The following FOXP2 variants were observed in gnomAD, a reference collection of about 807,000 sequenced individuals.
FOXP2 encodes the protein forkhead box protein P2.
FOXP2 carries 12 observed loss-of-function variants against 115.8 expected under a neutral mutation model. The observed-to-expected ratio is 0.10, with a 90% confidence interval of 0.07 to 0.17. The LOEUF (loss-of-function observed/expected upper bound fraction) is 0.17. Among genes scored for constraint, FOXP2 ranks in the 10% least tolerant of loss-of-function variants. The pLI, the probability that FOXP2 is intolerant of heterozygous loss-of-function variation, is 1.00. For missense variants in FOXP2, 629 were observed against 843.5 expected, an observed-to-expected ratio of 0.75 and a Z score of 3.15; for synonymous variants, 328 against 297.7, an observed-to-expected ratio of 1.10 and a Z score of -1.05.
chr7:114,385,714 AT>A (rs1792430470), intron 2 of FOXP2, among the ~76,000 whole-genome samples: 1 of 152,220 alleles, frequency 6.6e-6, no homozygotes, highest in Non-Finnish European at 1.5e-5. Flanking sequence ...ATAGAACAGA[AT>A]AGCAAGCTAA....
At chr7:114,126,704 C>T (rs1358781134) in intron 1 of FOXP2, among the ~76,000 whole-genome samples, 3 of 152,098 alleles carry the variant, frequency 2.0e-5, no homozygotes, top group East Asian at 3.9e-4. Context: ...CAGTAACTGG[C>T]TTGGCTTAGA....
At chr7:114,522,603 C>T (rs1333183350) in intron 2 of FOXP2, among the ~76,000 whole-genome samples, 1 of 152,096 alleles carries the variant, frequency 6.6e-6, no homozygotes, top group Non-Finnish European at 1.5e-5. Context: ...GTTTTAACTT[C>T]TTTGAGGTTA....
intron 1 of FOXP2, among the ~76,000 whole-genome samples, chr7:114,203,406 C>T (rs912367495): frequency 6.6e-6 from 1 of 152,178 alleles, no homozygotes; most frequent in Admixed American, 6.5e-5. Context: ...TATCTCAGCT[C>T]ACTGCAACTT....
chr7:114,128,212 G>A (rs1325997040), intron 1 of FOXP2, among the ~76,000 whole-genome samples: 1 of 152,074 alleles, frequency 6.6e-6, no homozygotes, highest in African/African-American at 2.4e-5. Flanking sequence ...AGCTGTAAAA[G>A]ACCTTGGTTT....
At chr7:114,438,614 C>T (rs928545616) in intron 2 of FOXP2, among the ~76,000 whole-genome samples, 2 of 151,916 alleles carry the variant, frequency 1.3e-5, no homozygotes, top group Non-Finnish European at 2.9e-5. Flanking sequence ...AAGATAACAT[C>T]ATTATGTAGA....
chr7:114,297,410 AG>A (rs1796767048), intron 2 of FOXP2: 3 of 630,592 alleles, frequency 4.8e-6, no homozygotes, highest in Admixed American at 4.5e-5. Flanking sequence ...CCACTGTCAT[AG>A]GGGTAGCCCA....
At chr7:114,516,360 T>C (rs574339574) in intron 2 of FOXP2, among the ~76,000 whole-genome samples, 1 of 152,210 alleles carries the variant, frequency 6.6e-6, no homozygotes, top group African/African-American at 2.4e-5. Flanking sequence ...TAGCCATATG[T>C]AGAAAGCTGA....
At chr7:114,458,292 G>A (rs549693750) in intron 2 of FOXP2, among the ~76,000 whole-genome samples, 1 of 151,820 alleles carries the variant, frequency 6.6e-6, no homozygotes, top group Non-Finnish European at 1.5e-5. Context: ...CTTATTACTT[G>A]TATTTCAATA....
rs999661495 is a variant in FOXP2 at position 114,579,933 on chromosome 7, A to G, written c.258+45227A>G. On this transcript the variant is annotated intron_variant, in intron 3 of 16. Transcript: ENST00000350908. ...TCTATGCACTCTAAGGAGAGATTCA[A>G]TCATTGTACTGAGGAATTAAAAACA... 4.6e-5 allele frequency among the ~76,000 whole-genome samples: 7 copies of G among 152,326 alleles called. 1 individual carries two copies. The highest frequency in any genetic ancestry group is 3.9e-4 in the Admixed American group (6 of 15,296).
intron 1 of FOXP2, among the ~76,000 whole-genome samples, chr7:114,424,489 C>G: frequency 6.6e-6 from 1 of 151,414 alleles, no homozygotes. Context: ...TCTGTTTCTA[C>G]AGTTGGAGAG....
chr7:114,328,002 C>T (rs1797600821), intron 2 of FOXP2, among the ~76,000 whole-genome samples: 1 of 151,170 alleles, frequency 6.6e-6, no homozygotes, highest in African/African-American at 2.4e-5. Flanking sequence ...CTCACTGCAG[C>T]CTCAACTTTC....
In FOXP2 at chr7:114,652,198, T is replaced by C. The variant is rs1373735581; in HGVS notation, c.1095-5T>C. 1.9e-6 allele frequency: 3 copies of C among 1,612,692 alleles called. No individual in the cohort carries two copies. The highest frequency in any genetic ancestry group is 1.1e-5 in the South Asian group (1 of 91,052). On this transcript the variant is annotated splice_region_variant and splice_polypyrimidine_tract_variant and intron_variant, in intron 8 of 16. Transcript: ENST00000350908. ...CATTCTGTTTTGTGTCTTCTGTTTG[T>C]TTAGGCACCTTAACAATGAACACGC... is the stretch of plus-strand genomic sequence containing the variant.
At chr7:114,434,482 T>C (rs947074202) in intron 2 of FOXP2, among the ~76,000 whole-genome samples, 3 of 151,198 alleles carry the variant, frequency 2.0e-5, no homozygotes, top group Non-Finnish European at 4.4e-5. Flanking sequence ...ATGTATTATA[T>C]GTATAAATAA....
intron 1 of FOXP2, among the ~76,000 whole-genome samples, chr7:114,181,936 G>T (rs1562994980): frequency 6.6e-6 from 1 of 151,838 alleles, no homozygotes; most frequent in African/African-American, 2.4e-5. Context: ...TCTCAAAAAA[G>T]GTATGAAGCT....
At chr7:114,632,051 G>T (rs1262977118) in intron 6 of FOXP2, among the ~76,000 whole-genome samples, 1 of 152,200 alleles carries the variant, frequency 6.6e-6, no homozygotes, top group Non-Finnish European at 1.5e-5. Context: ...GCTGACAGCA[G>T]TCCATTTAAC....
chr7:114,169,737 C>CA (rs71157565), intron 1 of FOXP2, among the ~76,000 whole-genome samples: 131,260 of 152,080 alleles, frequency 0.86, 57,074 homozygotes, highest in Non-Finnish European at 0.92. Context: ...TGTCCTCACC[C>CA]AATCTTACCT....
At chr7:114,481,854 G>A (rs924493958) in intron 2 of FOXP2, among the ~76,000 whole-genome samples, 8 of 150,284 alleles carry the variant, frequency 5.3e-5, no homozygotes, top group South Asian at 2.1e-4. Flanking sequence ...GTTGTAACCC[G>A]GTAAATAGAA....
At chr7:114,115,504 G>A (rs1791379802) in intron 1 of FOXP2, among the ~76,000 whole-genome samples, 1 of 151,956 alleles carries the variant, frequency 6.6e-6, no homozygotes, top group Non-Finnish European at 1.5e-5. Context: ...CAACACACTG[G>A]CATCTGTTCA....
intron 3 of FOXP2, among the ~76,000 whole-genome samples, chr7:114,569,307 T>G (rs1280246792): frequency 1.3e-5 from 2 of 151,940 alleles, no homozygotes; most frequent in African/African-American, 2.4e-5. Flanking sequence ...TGTTTTAAAT[T>G]GCCTGCAATT....
Sources: gnomAD v4.1 joint callset for allele counts (sites outside exome capture counted in the v4.1 genomes callset) on GRCh38, gnomAD v4.1.1 for gene constraint, MANE v1.5 for transcripts, NCBI Gene and HGNC (gene_info 2026-07-23, HGNC 2026-07-21) for gene names.